CCDC13: variants seen among roughly 807,000 people sequenced by gnomAD.
CCDC13 encodes coiled-coil domain-containing protein 13.
A neutral mutation model predicts 87.3 loss-of-function variants in CCDC13; 70 were observed. That is an observed-to-expected ratio of 0.80 (90% CI 0.66 to 0.98). The LOEUF is 0.98. Ranked by LOEUF, CCDC13 falls within the 50% of genes least tolerant of loss-of-function variation. The pLI is 0.00. For missense variants in CCDC13, 842 were observed against 892.0 expected (o/e 0.94, Z 0.71); for synonymous variants, 317 against 360.3 (o/e 0.88, Z 1.36).
intron 13 of CCDC13, among the ~76,000 whole-genome samples, chr3:42,715,367 G>C (rs904253212): frequency 6.6e-6 from 1 of 151,886 alleles, no homozygotes; most frequent in Non-Finnish European, 1.5e-5. Flanking sequence ...CCTGTGCTTT[G>C]GGAGGCATAG....
chr3:42,719,024 T>C (rs1698495459), intron 13 of CCDC13: 1 of 152,072 alleles, frequency 6.6e-6, no homozygotes, highest in Non-Finnish European at 1.5e-5. Context: ...TAGAGTCCCT[T>C]CTAAGATGTA....
chr3:42,757,246 C>T lies in CCDC13; in HGVS notation c.222-32G>A, dbSNP rs1699724374. 2.5e-6 allele frequency: 4 copies of T among 1,602,490 alleles called. No individual in the cohort carries two copies. In the South Asian group the frequency reaches 4.5e-5, roughly 18 times the overall value. ...GGCAAAGGCAGAATTAATGCTCCTC[C>T]AAGGCAAAGGCCCTGGTGGGCAGGG... On this transcript the variant is annotated intron_variant, in intron 2 of 15. Transcript: ENST00000310232.
At chr3:42,732,771 GA>G in intron 12 of CCDC13, 115 bp downstream of exon 12, 1 of 821,172 alleles carries the variant, frequency 1.2e-6, no homozygotes, top group African/African-American at 1.7e-5. Context: ...AACCTTGGAA[GA>G]GTCCCTGGAC....
At chr3:42,748,366 G>A (rs1332756659) in intron 5 of CCDC13, among the ~76,000 whole-genome samples, 1 of 152,228 alleles carries the variant, frequency 6.6e-6, no homozygotes, top group African/African-American at 2.4e-5. Context: ...TTAAGCTGCT[G>A]TTAATGCTGG....
At chr3:42,726,812 G>T (rs1698700277) in intron 13 of CCDC13, among the ~76,000 whole-genome samples, 1 of 151,896 alleles carries the variant, frequency 6.6e-6, no homozygotes, top group African/African-American at 2.4e-5. Flanking sequence ...ATATGTGTGT[G>T]TGTATACGTA....
intron 1 of CCDC13, among the ~76,000 whole-genome samples, chr3:42,769,982 C>A (rs1014249752): frequency 7.9e-5 from 12 of 152,248 alleles, no homozygotes; most frequent in Non-Finnish European, 1.5e-5. Context: ...GCCCCAGCCT[C>A]CCCAACGAGC....
intron 1 of CCDC13, among the ~76,000 whole-genome samples, chr3:42,771,446 C>G (rs1700103570): frequency 6.6e-6 from 1 of 152,096 alleles, no homozygotes; most frequent in South Asian, 2.1e-4. Context: ...AACTTGTAGA[C>G]CTGTGCAACC....
chr3:42,761,095 C>T (rs1479707929), intron 1 of CCDC13, among the ~76,000 whole-genome samples: 1 of 152,184 alleles, frequency 6.6e-6, no homozygotes, highest in Non-Finnish European at 1.5e-5. Flanking sequence ...ATTAAATGCT[C>T]CCCTCACGAT....
rs1698811309 is a variant in CCDC13, at chr3:42,730,845, C to T, written c.1596-256G>A. ...ACTGGTACCTCTGTCCATCCAAGCCCTGTGGGGGCCTGGAATTAGTCTGGT... is the reference window on the plus strand; with the variant it reads ...ACTGGTACCTCTGTCCATCCAAGCCTTGTGGGGGCCTGGAATTAGTCTGGT... On this transcript the variant is annotated intron_variant, in intron 12 of 15. Coordinates refer to ENST00000310232, the MANE Select transcript of CCDC13 (RefSeq NM_144719.4). 3.3e-5 allele frequency among the ~76,000 whole-genome samples: 5 copies of T among 152,176 alleles called. No individual in the cohort carries two copies. In the South Asian group the frequency reaches 1.0e-3, roughly 32 times the overall value.
intron 13 of CCDC13, among the ~76,000 whole-genome samples, chr3:42,728,469 A>G (rs1360696679): frequency 6.6e-6 from 1 of 152,068 alleles, no homozygotes; most frequent in Non-Finnish European, 1.5e-5. Flanking sequence ...TCTCTGAGAA[A>G]CGAAGGTCCT....
At chr3:42,732,778 T>A (rs1698874915) in intron 12 of CCDC13, 109 bp downstream of exon 12, 2 of 924,280 alleles carry the variant, frequency 2.2e-6, no homozygotes, top group Admixed American at 4.7e-5. Flanking sequence ...GAAGAGTCCC[T>A]GGACTTTGCC....
At position 42,749,946 on chromosome 3, in the gene CCDC13, C is replaced by T. The variant is rs575899223; in HGVS notation, c.603+1990G>A. The T allele has an allele frequency of 2.1e-3, 964 of 456,550 alleles. 10 individuals are homozygous for T. Among genetic ancestry groups the T allele is most frequent in the African/African-American group, 0.017 (875 of 50,160 alleles). 28.3% of individuals were successfully genotyped at this position (456,550 alleles called of 1,614,324 possible). A position where few individuals can be genotyped will look rare whatever the true frequency, so the allele number is the denominator to read the frequency against. ...TCTGGAGTGTGGCTCGGGCTTGGGC[C>T]GCCCTGAGCAGCCTATGAGGGGAAA... On this transcript the variant is annotated intron_variant, in intron 5 of 15. Transcript: ENST00000310232.
At chr3:42,734,746 C>A (rs145314011) in intron 10 of CCDC13, among the ~76,000 whole-genome samples, 1 of 152,202 alleles carries the variant, frequency 6.6e-6, no homozygotes, top group African/African-American at 2.4e-5. Flanking sequence ...CTGCAAGGCT[C>A]CTTTGTCACT....
At chr3:42,724,658 A>G (rs760135828) in intron 13 of CCDC13, among the ~76,000 whole-genome samples, 1 of 152,244 alleles carries the variant, frequency 6.6e-6, no homozygotes, top group Non-Finnish European at 1.5e-5. Context: ...AATTCCAAAT[A>G]TTTTGAAAGA....
chr3:42,712,862 A>T (rs991055972), intron 14 of CCDC13, among the ~76,000 whole-genome samples: 38 of 152,184 alleles, frequency 2.5e-4, no homozygotes, highest in Admixed American at 5.2e-4. Flanking sequence ...AAGTCAGCTT[A>T]GGATAGAGGG....
At chr3:42,713,376 C>A (rs1308647559) in intron 13 of CCDC13, 60 bp from the exon 14 acceptor site, 1 of 1,581,028 alleles carries the variant, frequency 6.3e-7, no homozygotes, top group Non-Finnish European at 8.6e-7. Context: ...GGCCCTACCC[C>A]ACTTGCTCAG....
chr3:42,730,204 T>C (rs1698788939), intron 13 of CCDC13, among the ~76,000 whole-genome samples: 1 of 151,996 alleles, frequency 6.6e-6, no homozygotes, highest in South Asian at 2.1e-4. Flanking sequence ...TGGGTGTCTC[T>C]CCCCCGAGAC....
downstream of CCDC13, among the ~76,000 whole-genome samples, chr3:42,705,115 ATG>A (rs958096504): frequency 3.9e-5 from 6 of 152,186 alleles, no homozygotes; most frequent in East Asian, 5.8e-4. Flanking sequence ...ACGTGTGTAT[ATG>A]TGTGTTGTGT....
intron 13 of CCDC13, among the ~76,000 whole-genome samples, chr3:42,726,558 G>A (rs1420733172): frequency 1.3e-5 from 2 of 152,124 alleles, no homozygotes; most frequent in Non-Finnish European, 2.9e-5. Context: ...GAGTGAGGAA[G>A]AGGCAATATA....
Sources: gnomAD v4.1 joint callset for allele counts (sites outside exome capture counted in the v4.1 genomes callset) on GRCh38, gnomAD v4.1.1 for gene constraint, MANE v1.5 for transcripts, NCBI Gene and HGNC (gene_info 2026-07-23, HGNC 2026-07-21) for gene names.